PKD1: variants seen among roughly 807,000 people sequenced by gnomAD.
PKD1 encodes the protein polycystin-1.
A neutral mutation model predicts 361.7 loss-of-function variants in PKD1; 81 were observed. The observed-to-expected ratio is 0.22, with a 90% CI of 0.19 to 0.27. PKD1 has a LOEUF of 0.27. Among genes scored for constraint, PKD1 ranks in the 10% least tolerant of loss-of-function variants. The probability of loss-of-function intolerance (pLI) is 1.00; values close to 1 mark genes in which losing one functional copy is unlikely to be tolerated. For missense variants in PKD1, 6,399 were observed against 6,118.3 expected (o/e 1.05, Z -1.53); for synonymous variants, 3,615 against 2,818.3 (o/e 1.28, Z -8.95).
At chr16:2,107,854 C>T (rs1455890064) in intron 16 of PKD1, 29 bp downstream of exon 16, 1 of 1,539,500 alleles carries the variant, frequency 6.5e-7, no homozygotes, top group Non-Finnish European at 8.7e-7. Flanking sequence ...CTGTCCAAGG[C>T]AAGTGGCCGA....
At chr16:2,126,185 G>A (rs2092797827) in intron 1 of PKD1, among the ~76,000 whole-genome samples, 1 of 152,248 alleles carries the variant, frequency 6.6e-6, no homozygotes, top group African/African-American at 2.4e-5. Flanking sequence ...ACAGTGGACG[G>A]GCTCAGAACC....
chr16:2,092,939 A>G lies in PKD1; in HGVS notation c.11156+15T>C. On this transcript the variant is annotated intron_variant, in intron 38 of 45. Coordinates refer to ENST00000262304, the MANE Select transcript of PKD1 (RefSeq NM_001009944.3). The stretch of plus-strand genomic sequence containing the variant: ...TAAAGCCCAGAAGACAGACCAGTGC[A>G]CCGGATGCCCGTACCGCGTGATGGC... 6.2e-7 allele frequency: 1 copy of G among 1,612,976 alleles called. No homozygotes were observed. The highest frequency in any genetic ancestry group is 8.5e-7 in the Non-Finnish European group (1 of 1,179,994).
chr16:2,107,893 G>C lies in PKD1; in HGVS notation c.7055C>G (p.Thr2352Ser), dbSNP rs777822320. ...GCGGGCGGCACCCACCGTCTGGTTG[G>C]TGGCCTCCTCCTTGCGGCCGGCCTT... is the stretch of plus-strand genomic sequence containing the variant. ...VWKAGRKEEA[T>S]NQTVLIRSGR... The change falls in exon 16 of 46, where the codon ACC becomes AGC. Residue 2352 changes from threonine (T) to serine (S), a missense_variant. Thr to Ser is a moderately conservative substitution (Grantham distance 58, BLOSUM62 1). Coordinates refer to ENST00000262304, the MANE Select transcript of PKD1 (RefSeq NM_001009944.3). The C allele has an allele frequency of 1.3e-6, 2 of 1,544,462 alleles. No individual in the cohort carries two copies. The highest frequency in any genetic ancestry group is 2.7e-5 in the African/African-American group (2 of 72,972).
At chr16:2,091,237 C>CGGGA (rs1232944228) in intron 42 of PKD1, 63 bp from the exon 43 acceptor site, 1 of 588,924 alleles carries the variant, frequency 1.7e-6, no homozygotes, top group African/African-American at 2.5e-5. Context: ...TGCGAGGGGG[C>CGGGA]GGGACGCTGC....
intron 23 of PKD1, 66 bp downstream of exon 23, chr16:2,103,200 A>G (rs2092171748): frequency 1.3e-6 from 2 of 1,516,070 alleles, no homozygotes; most frequent in South Asian, 1.1e-5. Flanking sequence ...TGGAAGCCCT[A>G]CGAGAAACGC....
intron 34 of PKD1, chr16:2,096,840 G>T: frequency 2.2e-6 from 1 of 456,424 alleles, no homozygotes; most frequent in Non-Finnish European, 4.0e-6. Context: ...TTAAAAACCC[G>T]CCCATAATTT....
chr16:2,101,897 T>C (rs2092112261), intron 26 of PKD1, 164 bp downstream of exon 26: 1 of 647,264 alleles, frequency 1.5e-6, no homozygotes. Context: ...TCAGGGACAG[T>C]GAGTGCTCAC....
Position 2,111,299 on chromosome 16 carries a change from G to A in PKD1, c.3868C>T (p.Leu1290=), listed in dbSNP as rs537675423. 3 of 1,609,090 alleles carry A rather than the reference G, an allele frequency of 1.9e-6. No individual in the cohort carries two copies. In the African/African-American group the frequency reaches 4.0e-5, roughly 21 times the overall value. ...CGCAGCACCTCCAGGACGAAGACCAGCACGTGCAGGCTCCGGGCCAGGTGG... is the reference window on the plus strand; with the variant it reads ...CGCAGCACCTCCAGGACGAAGACCAACACGTGCAGGCTCCGGGCCAGGTGG... ...AGHLARSLHV[L]VFVLEVLRVE... is the part of the protein sequence containing the mutation. The change falls in exon 15 of 46, where the codon CTG becomes TTG. Residue 1290 remains leucine (L), a synonymous_variant. Transcript: ENST00000262304.
chr16:2,135,290 G>A, intron 1 of PKD1, 185 bp downstream of exon 1: 1 of 985,168 alleles, frequency 1.0e-6, no homozygotes, highest in Non-Finnish European at 1.2e-6. Flanking sequence ...GGGTTTTTCG[G>A]CTCCCCGGGG....
chr16:2,118,933 C>T lies in PKD1; in HGVS notation c.360-88G>A, dbSNP rs1350641852. On this transcript the variant is annotated intron_variant, in intron 3 of 45. Coordinates refer to ENST00000262304, the MANE Select transcript of PKD1 (RefSeq NM_001009944.3). This position sits in a 1 kb window ranked among gnomAD's most constrained non-coding sequence, Gnocchi z 6.0. ...ACTGGCAACCAGGCCCTGGAGCCAC[C>T]CTGACAGCACCGCCTCCCCTGCCCC... 1.4e-6 allele frequency: 1 copy of T among 689,818 alleles called. No individual in the cohort carries two copies. The highest frequency in any genetic ancestry group is 2.5e-6 in the Non-Finnish European group (1 of 401,398). The allele number at this position is 689,818 out of a possible 1,614,324, so 42.7% of individuals were successfully genotyped here.
At position 2,109,268 on chromosome 16, in the gene PKD1, C is replaced by T. The variant is rs1243563175; in HGVS notation, c.5899G>A (p.Val1967Met). 1.3e-6 allele frequency: 2 copies of T among 1,584,482 alleles called. No individual in the cohort carries two copies. The highest frequency in any genetic ancestry group is 2.2e-5 in the South Asian group (2 of 89,594). ...TGCAGCCCACTCACGGCCTCCAGCACCACGATGCGCACCTGCGCCTGGGCC... is the reference window on the plus strand; with the variant it reads ...TGCAGCCCACTCACGGCCTCCAGCATCACGATGCGCACCTGCGCCTGGGCC... ...SWAQAQVRIV[V>M]LEAVSGLQVP... The change falls in exon 15 of 46, where the codon GTG (valine) becomes ATG (methionine). Residue 1967 changes from valine (V) to methionine (M), a missense_variant. By Grantham distance (21) the Val-to-Met change is conservative. Coordinates refer to ENST00000262304, the MANE Select transcript of PKD1 (RefSeq NM_001009944.3).
At position 2,112,776 on chromosome 16, in the gene PKD1, C is replaced by T. The variant is rs2369072; in HGVS notation, c.3161+12G>A. On this transcript the variant is annotated intron_variant, in intron 13 of 45. Coordinates refer to ENST00000262304, the MANE Select transcript of PKD1 (RefSeq NM_001009944.3). ...CTGGTGCCCACCCCAAACCGGCCCC[C>T]GAGTCACTCACAGGAAGGCCACCTC... is the stretch of plus-strand genomic sequence containing the variant. The T allele has an allele frequency of 3.2e-5, 51 of 1,595,146 alleles. No homozygotes were observed. The highest frequency in any genetic ancestry group is 3.1e-5 in the Non-Finnish European group (36 of 1,178,710).
intron 14 of PKD1, among the ~76,000 whole-genome samples, 161 bp downstream of exon 14, chr16:2,112,179 C>G (rs982614818): frequency 1.3e-5 from 2 of 152,240 alleles, no homozygotes; most frequent in African/African-American, 4.8e-5. Flanking sequence ...CCCCCCACGC[C>G]TGGCCCCTCC....
chr16:2,092,653 G>C, intron 38 of PKD1, 61 bp from the exon 39 acceptor site: 6 of 1,187,670 alleles, frequency 5.1e-6, no homozygotes, highest in Non-Finnish European at 7.4e-6. Context: ...TCGAGTGAGC[G>C]GCCACCAGAG....
intron 30 of PKD1, among the ~76,000 whole-genome samples, chr16:2,098,349 C>G (rs997303694): frequency 2.0e-5 from 3 of 152,156 alleles, no homozygotes; most frequent in African/African-American, 7.2e-5. Flanking sequence ...GCTGGGATTA[C>G]AGGTGCCTGC....
chr16:2,111,827 G>C lies in PKD1; in HGVS notation c.3340C>G (p.Leu1114Val), dbSNP rs772948445. 3.7e-6 allele frequency: 6 copies of C among 1,610,200 alleles called. No homozygotes were observed. Among genetic ancestry groups the C allele is most frequent in the Non-Finnish European group, 5.1e-6 (6 of 1,179,562 alleles). Residue 1114 changes from leucine to valine, a missense_variant, in exon 15 of 46, where the codon CTG (leucine) becomes GTG (valine). Leu to Val is a conservative substitution (Grantham distance 32). Transcript: ENST00000262304. ...TVLASNAFEN[L>V]TQQVPVSVRA... ...ACGCTCACAGGCACCTGCTGCGTCAGGTTCTCGAAGGCATTAGATGCCAGC... is the reference window on the plus strand; with the variant it reads ...ACGCTCACAGGCACCTGCTGCGTCACGTTCTCGAAGGCATTAGATGCCAGC...
At position 2,105,782 on chromosome 16, in the gene PKD1, T is replaced by C. The variant is rs868177813; in HGVS notation, c.7863+83A>G. On this transcript the variant is annotated intron_variant, in intron 20 of 45. Transcript: ENST00000262304. ...TCTCTGGGGCCCGGGATGAGCCCTC[T>C]GCAAAGCTCCAGGCAGGGGTACAGG... 6.5e-5 allele frequency: 96 copies of C among 1,466,806 alleles called. No homozygotes were observed. The African/African-American group carries it at 9.6e-4, about 15-fold the overall frequency. The allele number at this position is 1,466,806 out of a possible 1,614,324, so 90.9% of individuals were successfully genotyped here.
At chr16:2,101,788 G>A (rs1483947165) in intron 26 of PKD1, among the ~76,000 whole-genome samples, 2 of 152,258 alleles carry the variant, frequency 1.3e-5, no homozygotes, top group Non-Finnish European at 2.9e-5. Context: ...CAGTGGTAGC[G>A]ATGCTCACGT....
intron 34 of PKD1, among the ~76,000 whole-genome samples, chr16:2,096,662 C>A (rs2091860883): frequency 2.6e-5 from 4 of 152,160 alleles, no homozygotes; most frequent in Non-Finnish European, 4.4e-5. Context: ...ACTACAGGCG[C>A]CTGCCAGCAT....
Sources: gnomAD v4.1 joint callset for allele counts (sites outside exome capture counted in the v4.1 genomes callset) on GRCh38, gnomAD v4.1.1 for gene constraint, Gnocchi (gnomAD v3.1) non-coding constraint, MANE v1.5 for transcripts, NCBI Gene and HGNC (gene_info 2026-07-23, HGNC 2026-07-21) for gene names.